Variants in STMN4 observed in about 807,000 individuals in gnomAD.
STMN4 encodes the protein stathmin-4.
STMN4 carries 12 observed loss-of-function variants against 29.1 expected under a neutral mutation model. The ratio of observed to expected loss-of-function variants is 0.41; its 90% CI spans 0.26 to 0.67. STMN4 has a LOEUF of 0.67. STMN4 is among the 30% of genes least tolerant of loss of function. STMN4 has a pLI of 0.30. For synonymous variants in STMN4, 114 were observed against 105.3 expected, an observed-to-expected ratio of 1.08 and a Z score of -0.51; for missense variants, 181 against 262.8, an observed-to-expected ratio of 0.69 and a Z score of 2.15.
At chr8:27,244,484 A>G (rs1801568175) in intron 1 of STMN4, among the ~76,000 whole-genome samples, 1 of 152,218 alleles carries the variant, frequency 6.6e-6, no homozygotes, top group African/African-American at 2.4e-5. Flanking sequence ...AGGGCTCCAC[A>G]CCACCAGAAA....
intron 1 of STMN4, among the ~76,000 whole-genome samples, chr8:27,246,195 G>A (rs1466885192): frequency 6.6e-6 from 1 of 152,186 alleles, no homozygotes; most frequent in Non-Finnish European, 1.5e-5. Flanking sequence ...CTACATGGAA[G>A]GAAATGGGCT....
intron 6 of STMN4, chr8:27,239,116 A>T: frequency 7.6e-7 from 1 of 1,314,810 alleles, no homozygotes; most frequent in Non-Finnish European, 1.0e-6. Flanking sequence ...TCCAGGGCCT[A>T]CGCAACATTC....
At chr8:27,239,323 G>A in intron 6 of STMN4, 2 of 1,532,888 alleles carry the variant, frequency 1.3e-6, no homozygotes, top group Non-Finnish European at 1.7e-6. Flanking sequence ...GGAGCTGCAG[G>A]AGAAACTGGG....
chr8:27,241,617 CCCCGGCCACAG>C, intron 4 of STMN4, 49 bp downstream of exon 4: 1 of 1,602,154 alleles, frequency 6.2e-7, no homozygotes, highest in East Asian at 2.2e-5. Context: ...CCCCGCCCAC[CCCCGGCCACAG>C]CCCATCTGAC....
In STMN4 at chr8:27,243,813, G is replaced by A; in HGVS notation, c.-78-12C>T. On this transcript the variant is annotated splice_polypyrimidine_tract_variant and intron_variant, in intron 1 of 6. Coordinates refer to ENST00000350889, the MANE Select transcript of STMN4 (RefSeq NM_030795.4). ...ACGCTGTCACCAACCTGAGAAAAGG[G>A]GAGGACAGGATTTTACCATCGATGG... 6.2e-7 allele frequency: 1 copy of A among 1,612,490 alleles called. No individual in the cohort carries two copies. Among genetic ancestry groups the A allele is most frequent in the Non-Finnish European group, 8.5e-7 (1 of 1,178,596 alleles).
intron 6 of STMN4, 69 bp downstream of exon 6, chr8:27,239,902 C>T (rs1463083221): frequency 6.2e-7 from 1 of 1,611,384 alleles, no homozygotes. Context: ...TCAGCAGGTC[C>T]CCGCATACTT....
chr8:27,247,123 C>T (rs1235598743), intron 1 of STMN4, among the ~76,000 whole-genome samples: 7 of 151,952 alleles, frequency 4.6e-5, no homozygotes, highest in Admixed American at 2.0e-4. Context: ...GGCATGGTGG[C>T]GCATGCCTGT....
At chr8:27,253,942 C>A (rs781403857) in intron 1 of STMN4, among the ~76,000 whole-genome samples, 2 of 152,112 alleles carry the variant, frequency 1.3e-5, no homozygotes, top group Non-Finnish European at 2.9e-5. Context: ...ACCACCATGC[C>A]CAGCTAACTT....
intron 3 of STMN4, chr8:27,242,118 A>C: frequency 1.8e-6 from 1 of 559,346 alleles, no homozygotes; most frequent in South Asian, 2.3e-5. Context: ...ACCTTTGCAT[A>C]CCCCCCAGTC....
At chr8:27,254,197 G>T (rs1264428674) in intron 1 of STMN4, among the ~76,000 whole-genome samples, 1 of 152,142 alleles carries the variant, frequency 6.6e-6, no homozygotes, top group Non-Finnish European at 1.5e-5. Context: ...CACAGAGTCT[G>T]CCTGAAAGGT....
chr8:27,258,026 T>C (rs1801993133), intron 1 of STMN4, among the ~76,000 whole-genome samples: 1 of 152,160 alleles, frequency 6.6e-6, no homozygotes, highest in Non-Finnish European at 1.5e-5. Flanking sequence ...GCAGCCAGAC[T>C]CAGCACAAAA....
At position 27,235,685 on chromosome 8, in the gene STMN4, T is replaced by C. The variant is rs1801295096; in HGVS notation, c.*1161A>G. 6.6e-6 allele frequency: 1 copy of C among 152,196 alleles called. No individual in the cohort carries two copies. Among genetic ancestry groups the C allele is most frequent in the Admixed American group, 6.5e-5 (1 of 15,280 alleles). The allele number at this position is 152,196 out of a possible 1,614,324, so 9.4% of individuals were successfully genotyped here. A position where few individuals can be genotyped will look rare whatever the true frequency, so the allele number is the denominator to read the frequency against. On this transcript the variant is annotated 3_prime_UTR_variant, in exon 7 of 7. Coordinates refer to ENST00000350889, the MANE Select transcript of STMN4 (RefSeq NM_030795.4). Reference sequence around the variant, plus strand: ...ATCCCGACACTACAGAATTAAGAGATAGGGCCTTAAGAGGTGAGATCATGA... The same window carrying C: ...ATCCCGACACTACAGAATTAAGAGACAGGGCCTTAAGAGGTGAGATCATGA...
At chr8:27,257,262 C>T (rs73681506) in intron 1 of STMN4, among the ~76,000 whole-genome samples, 4 of 152,124 alleles carry the variant, frequency 2.6e-5, no homozygotes, top group African/African-American at 4.8e-5. Flanking sequence ...CCCTGGGAGG[C>T]GGGGGCTCAG....
intron 1 of STMN4, among the ~76,000 whole-genome samples, chr8:27,257,987 G>A (rs367620901): frequency 2.0e-4 from 30 of 152,318 alleles, no homozygotes; most frequent in African/African-American, 7.2e-4. Context: ...CACTTGAAAG[G>A]GATCTTCAGG....
intron 3 of STMN4, 86 bp downstream of exon 3, chr8:27,242,311 C>T (rs752062777): frequency 1.5e-6 from 2 of 1,300,350 alleles, no homozygotes; most frequent in South Asian, 1.2e-5. Context: ...GAGAGATTCA[C>T]GGGACTGGGG....
At chr8:27,252,475 G>C (rs1234895477) in intron 1 of STMN4, among the ~76,000 whole-genome samples, 1 of 152,180 alleles carries the variant, frequency 6.6e-6, no homozygotes, top group East Asian at 1.9e-4. Flanking sequence ...TTTTAAGGTA[G>C]AGATGGGGTC....
At chr8:27,244,817 G>A (rs1801580072) in intron 1 of STMN4, among the ~76,000 whole-genome samples, 1 of 152,172 alleles carries the variant, frequency 6.6e-6, no homozygotes, top group Non-Finnish European at 1.5e-5. Context: ...CAGAGGGGTG[G>A]AGGTGATGGG....
intron 1 of STMN4, among the ~76,000 whole-genome samples, chr8:27,248,532 C>T (rs886847906): frequency 3.9e-5 from 6 of 152,154 alleles, no homozygotes; most frequent in African/African-American, 1.4e-4. Context: ...GCTTTATCTC[C>T]CACCCAGTAG....
intron 5 of STMN4, among the ~76,000 whole-genome samples, chr8:27,240,547 C>A (rs530532026): frequency 2.2e-4 from 33 of 152,218 alleles, no homozygotes; most frequent in African/African-American, 7.7e-4. Context: ...TAGACATATG[C>A]CCTAAGGTGT....
Sources: allele counts gnomAD v4.1 joint callset (sites outside exome capture counted in the v4.1 genomes callset), GRCh38; gene constraint gnomAD v4.1.1; transcripts MANE v1.5; gene names NCBI Gene and HGNC (gene_info 2026-07-23, HGNC 2026-07-21).